The following CYTH3 variants were observed in gnomAD, a reference collection of about 807,000 sequenced individuals.
CYTH3 encodes the protein cytohesin 3, also known as cytohesin-3.
CYTH3 carries 23 observed loss-of-function variants against 55.1 expected under a neutral mutation model. That is an observed-to-expected ratio of 0.42 (90% CI 0.30 to 0.59). CYTH3 has a LOEUF of 0.59. CYTH3 is among the 20% of genes least tolerant of loss of function. The probability of loss-of-function intolerance (pLI) is 0.20; values close to 1 mark genes in which losing one functional copy is unlikely to be tolerated. For synonymous variants in CYTH3, 249 were observed against 194.9 expected (o/e 1.28, Z -2.31); for missense variants, 413 against 524.8 (o/e 0.79, Z 2.08).
chr7:6,255,947 T>C (rs1335134752), intron 1 of CYTH3, among the ~76,000 whole-genome samples: 1 of 151,954 alleles, frequency 6.6e-6, no homozygotes, highest in Non-Finnish European at 1.5e-5. Context: ...GTATTTTTAG[T>C]AGAGACAGGG....
At chr7:6,203,885 A>T (rs185001776) in intron 1 of CYTH3, among the ~76,000 whole-genome samples, 2,505 of 151,974 alleles carry the variant, frequency 0.016, 67 homozygotes, top group African/African-American at 0.057. Context: ...TGCCCGGCTA[A>T]TTTTTTTATT....
chr7:6,225,812 T>G (rs35868999), intron 1 of CYTH3, among the ~76,000 whole-genome samples: 1 of 151,990 alleles, frequency 6.6e-6, no homozygotes, highest in Non-Finnish European at 1.5e-5. Context: ...CCTGAGTAGC[T>G]GAGATTACAG....
At chr7:6,265,972 C>T (rs1268641463) in intron 1 of CYTH3, among the ~76,000 whole-genome samples, 1 of 147,762 alleles carries the variant, frequency 6.8e-6, no homozygotes, top group Non-Finnish European at 1.5e-5. Context: ...AGAACATTGA[C>T]AGCTATTATG....
At chr7:6,175,616 T>C (rs966622208) in intron 5 of CYTH3, among the ~76,000 whole-genome samples, 1 of 151,170 alleles carries the variant, frequency 6.6e-6, no homozygotes, top group Non-Finnish European at 1.5e-5. Context: ...AACATGATTT[T>C]GACAAACTGC....
Position 6,164,876 on chromosome 7 carries a change from G to T in CYTH3, c.*68C>A. 1 of 1,581,942 alleles carries T rather than the reference G, an allele frequency of 6.3e-7. No individual in the cohort carries two copies. Among genetic ancestry groups the T allele is most frequent in the Non-Finnish European group, 8.7e-7 (1 of 1,151,434 alleles). The stretch of plus-strand genomic sequence containing the variant: ...ACTGCCTCCCTGCCACGCCTTCCGC[G>T]GAGGGGCCGCCCGCGGTGTCTTTCT... On this transcript the variant is annotated 3_prime_UTR_variant, in exon 13 of 13. Transcript: ENST00000350796.
intron 1 of CYTH3, among the ~76,000 whole-genome samples, chr7:6,269,910 AACT>A (rs1780607647): frequency 6.6e-6 from 1 of 152,236 alleles, no homozygotes; most frequent in South Asian, 2.1e-4. Flanking sequence ...CTTCTACCAT[AACT>A]ACTGTTTGAA....
In CYTH3 at chr7:6,171,360, C is replaced by T. The variant is rs564200031; in HGVS notation, c.450-46G>A. 16 of 1,584,168 alleles carry T rather than the reference C, an allele frequency of 1.0e-5. No homozygotes were observed. The highest frequency in any genetic ancestry group is 1.0e-4 in the South Asian group (9 of 90,382). ...TGGGAAGCCGCATCAGAACCAACAC[C>T]GCCTCACGGCCAAGGGCGGCTTCTG... is the stretch of plus-strand genomic sequence containing the variant. On this transcript the variant is annotated intron_variant, in intron 6 of 12. Transcript: ENST00000350796. This position sits in a 1 kb window ranked among gnomAD's most constrained non-coding sequence, Gnocchi z 6.7.
chr7:6,190,322 T>A (rs1401091551), intron 2 of CYTH3, 127 bp downstream of exon 2: 2 of 832,174 alleles, frequency 2.4e-6, no homozygotes, highest in Non-Finnish European at 3.6e-6. Context: ...AACATCTTTT[T>A]TTTTTGTTAT....
intron 1 of CYTH3, among the ~76,000 whole-genome samples, chr7:6,199,220 CAG>C (rs574130677): frequency 6.6e-6 from 1 of 152,340 alleles, no homozygotes; most frequent in East Asian, 1.9e-4. Flanking sequence ...TGCAAAATCA[CAG>C]AGACTCACAG....
At chr7:6,179,748 C>CCCCCACCCCCA (rs1562881529) in intron 4 of CYTH3, among the ~76,000 whole-genome samples, 1 of 91,298 alleles carries the variant, frequency 1.1e-5, no homozygotes, top group Non-Finnish European at 1.9e-5. Flanking sequence ...CCACACACAC[C>CCCCCACCCCCA]CCACACCCCC....
At chr7:6,168,110 CTG>C (rs1433443574) in intron 9 of CYTH3, among the ~76,000 whole-genome samples, 1 of 151,998 alleles carries the variant, frequency 6.6e-6, no homozygotes, top group African/African-American at 2.4e-5. Flanking sequence ...CACTTTCTCT[CTG>C]TAAGTTTCTG....
In CYTH3 at chr7:6,170,252, G is replaced by A; in HGVS notation, c.823+283C>T. On this transcript the variant is annotated intron_variant, in intron 9 of 12. Transcript: ENST00000350796. The surrounding 1 kb of genome is among the most constrained non-coding windows in gnomAD (Gnocchi z 7.8). The stretch of plus-strand genomic sequence containing the variant: ...GATAATGCGCTTGCTTCTCGTGCAG[G>A]AAGCTGCCCTGGCTGGATCTGGATG... 2.3e-6 allele frequency: 1 copy of A among 435,096 alleles called. No individual in the cohort carries two copies. The highest frequency in any genetic ancestry group is 4.1e-6 in the Non-Finnish European group (1 of 244,396). 27.0% of individuals were successfully genotyped at this position (435,096 alleles called of 1,614,324 possible). A position where few individuals can be genotyped will look rare whatever the true frequency, so the allele number is the denominator to read the frequency against.
intron 1 of CYTH3, among the ~76,000 whole-genome samples, chr7:6,236,125 A>C (rs1012617002): frequency 2.0e-5 from 3 of 152,202 alleles, no homozygotes; most frequent in African/African-American, 7.2e-5. Flanking sequence ...CAGCTGCGGA[A>C]TCTTAAACTG....
chr7:6,272,430 C>G, intron 1 of CYTH3, 44 bp downstream of exon 1: 1 of 1,319,926 alleles, frequency 7.6e-7, no homozygotes, highest in Non-Finnish European at 9.8e-7. Context: ...CCCCGGCCCC[C>G]GACCCCAGGC....
At chr7:6,266,344 A>C (rs956420671) in intron 1 of CYTH3, among the ~76,000 whole-genome samples, 4 of 152,188 alleles carry the variant, frequency 2.6e-5, no homozygotes, top group African/African-American at 7.2e-5. Context: ...TCCATTTTCC[A>C]ATCTGAAAAT....
chr7:6,246,232 A>AT lies in CYTH3; in HGVS notation c.34+26241dup, dbSNP rs113021891. Among the ~76,000 whole-genome samples the AT allele has an allele frequency of 4.2e-3, 590 of 141,422 alleles. 1 individual carries two copies. The highest frequency in any genetic ancestry group is 0.011 in the South Asian group (46 of 4,338). 92.8% of individuals were successfully genotyped at this position (141,422 alleles called of 152,430 possible). On this transcript the variant is annotated intron_variant, in intron 1 of 12. Transcript: ENST00000350796. ...AGTAGCATGCCACAACACCTGGATA[A>AT]TTTTTTTTTTTTTTTTAAAAGAGAC...
At chr7:6,266,266 G>A (rs928556561) in intron 1 of CYTH3, among the ~76,000 whole-genome samples, 5 of 152,074 alleles carry the variant, frequency 3.3e-5, no homozygotes. Context: ...GAAGGCTTGG[G>A]TTCCAATCAC....
At chr7:6,177,777 G>T (rs200443964) in intron 5 of CYTH3, 46 bp downstream of exon 5, 2 of 1,456,088 alleles carry the variant, frequency 1.4e-6, no homozygotes, top group East Asian at 2.3e-5. Flanking sequence ...TCAAGCTGCA[G>T]GGCTGAGTGG....
intron 4 of CYTH3, among the ~76,000 whole-genome samples, chr7:6,183,822 T>C (rs1428895919): frequency 6.6e-6 from 1 of 152,044 alleles, no homozygotes; most frequent in Non-Finnish European, 1.5e-5. Flanking sequence ...CAGTGTTACA[T>C]GAGGTCCTGG....
Sources: allele counts gnomAD v4.1 joint callset (sites outside exome capture counted in the v4.1 genomes callset), GRCh38; gene constraint gnomAD v4.1.1; non-coding constraint Gnocchi (gnomAD v3.1); transcripts MANE v1.5; gene names NCBI Gene and HGNC (gene_info 2026-07-23, HGNC 2026-07-21).